The following SLC22A4 variants were observed in gnomAD, a reference collection of about 807,000 sequenced individuals.
SLC22A4 encodes the protein ET transporter.
Under a neutral mutation model 56.6 loss-of-function variants are expected in SLC22A4, and 39 were observed. The observed-to-expected ratio is 0.69, with a 90% CI of 0.53 to 0.90. The LOEUF is 0.90. Among genes scored for constraint, SLC22A4 ranks in the 40% least tolerant of loss-of-function variants. The pLI is 0.00. For synonymous variants in SLC22A4, 241 were observed against 281.4 expected (o/e 0.86, Z 1.44); for missense variants, 594 against 696.5 (o/e 0.85, Z 1.66).
intron 3 of SLC22A4, among the ~76,000 whole-genome samples, chr5:132,315,442 C>T (rs1399709000): frequency 6.6e-6 from 1 of 152,150 alleles, no homozygotes; most frequent in East Asian, 1.9e-4. Flanking sequence ...CTGAGATCTG[C>T]CTTTTTAGTG....
At chr5:132,341,762 A>G (rs538927032) in intron 9 of SLC22A4, among the ~76,000 whole-genome samples, 4 of 152,208 alleles carry the variant, frequency 2.6e-5, no homozygotes, top group African/African-American at 9.6e-5. Flanking sequence ...AGTCTGTCCA[A>G]CATGGTGAAA....
chr5:132,319,158 C>T (rs1750452102), intron 3 of SLC22A4, among the ~76,000 whole-genome samples: 2 of 151,926 alleles, frequency 1.3e-5, no homozygotes, highest in Admixed American at 6.6e-5. Context: ...AAAAATTAGC[C>T]GGGCATGGTG....
chr5:132,341,862 G>A (rs922560415), intron 9 of SLC22A4, among the ~76,000 whole-genome samples: 3 of 152,090 alleles, frequency 2.0e-5, no homozygotes, highest in Admixed American at 6.5e-5. Context: ...CAGGAGAATC[G>A]CTTGAACCAG....
At chr5:132,342,860 C>T (rs1473309715) in intron 9 of SLC22A4, among the ~76,000 whole-genome samples, 2 of 152,220 alleles carry the variant, frequency 1.3e-5, no homozygotes, top group Non-Finnish European at 1.5e-5. Context: ...GTCACCAACT[C>T]GGAAGTTCTC....
Position 132,331,936 on chromosome 5 carries a change from C to T in SLC22A4, c.1046+86C>T, listed in dbSNP as rs536528052. 160 of 889,060 alleles carry T rather than the reference C, an allele frequency of 1.8e-4. 1 individual carries two copies. Among genetic ancestry groups the T allele is most frequent in the South Asian group, 1.4e-3 (109 of 76,056 alleles). 55.1% of individuals were successfully genotyped at this position (889,060 alleles called of 1,614,324 possible). ...TTAACTCAGAGGAACATTATGACAA[C>T]GACTGGGTTTTCCTGAGGAAAAATT... On this transcript the variant is annotated intron_variant, in intron 6 of 9. Coordinates refer to ENST00000200652, the MANE Select transcript of SLC22A4 (RefSeq NM_003059.3).
At chr5:132,315,570 C>T (rs868855341) in intron 3 of SLC22A4, among the ~76,000 whole-genome samples, 62 of 152,326 alleles carry the variant, frequency 4.1e-4, no homozygotes, top group African/African-American at 1.2e-3. Context: ...CTGACACTAT[C>T]ATCTACTCTC....
intron 6 of SLC22A4, chr5:132,332,429 A>G (rs979514842): frequency 1.9e-5 from 3 of 155,662 alleles, no homozygotes; most frequent in African/African-American, 7.2e-5. Context: ...GTCCCTGGGT[A>G]ATGGTTCCCT....
chr5:132,340,378 G>A (rs1580850992), intron 8 of SLC22A4, among the ~76,000 whole-genome samples, 187 bp from the exon 9 acceptor site: 1 of 152,098 alleles, frequency 6.6e-6, no homozygotes, highest in Non-Finnish European at 1.5e-5. Context: ...TAATGCAAAA[G>A]GATTATAGAC....
Position 132,336,008 on chromosome 5 carries a change from G to C in SLC22A4, c.1444+8G>C. 6.2e-7 allele frequency: 1 copy of C among 1,612,120 alleles called. No individual in the cohort carries two copies. The highest frequency in any genetic ancestry group is 8.5e-7 in the Non-Finnish European group (1 of 1,178,172). The stretch of plus-strand genomic sequence containing the variant: ...CCTACTTTGTTTACCTCGGTGAGCT[G>C]CATCTTGTGCATTTGTTCTTCCTTT... On this transcript the variant is annotated splice_region_variant and intron_variant, in intron 8 of 9. Coordinates refer to ENST00000200652, the MANE Select transcript of SLC22A4 (RefSeq NM_003059.3).
intron 6 of SLC22A4, chr5:132,332,083 G>C (rs1750874066): frequency 2.1e-6 from 1 of 472,470 alleles, no homozygotes; most frequent in Non-Finnish European, 3.9e-6. Context: ...GGAGGCCAAG[G>C]TGGGCAGATC....
rs544265124 is a variant in SLC22A4, at chr5:132,309,771, TTAAG to T, written c.394-2387_394-2384del. Among the ~76,000 whole-genome samples the T allele has an allele frequency of 7.8e-4, 119 of 152,376 alleles. 1 individual carries two copies. Among genetic ancestry groups the T allele is most frequent in the Middle Eastern group, 3.4e-3 (1 of 294 alleles). Reference sequence around the variant, plus strand: ...TTCAGTTTGCCCTGGACCTTGCAAATTAAGTAGCCAGTTCCCAGTCCTACCCTTT... The same window carrying T: ...TTCAGTTTGCCCTGGACCTTGCAAATTAGCCAGTTCCCAGTCCTACCCTTT... On this transcript the variant is annotated intron_variant, in intron 1 of 9. Coordinates refer to ENST00000200652, the MANE Select transcript of SLC22A4 (RefSeq NM_003059.3).
chr5:132,320,659 T>C (rs949554937), intron 3 of SLC22A4, among the ~76,000 whole-genome samples: 2 of 152,154 alleles, frequency 1.3e-5, no homozygotes, highest in African/African-American at 4.8e-5. Context: ...CTCTCAGTTA[T>C]GAACAGTGAA....
chr5:132,323,489 G>A (rs767230873), intron 4 of SLC22A4, among the ~76,000 whole-genome samples: 4 of 152,176 alleles, frequency 2.6e-5, no homozygotes, highest in Non-Finnish European at 4.4e-5. Flanking sequence ...GTAAATTATT[G>A]GCATGAAGTG....
At position 132,344,119 on chromosome 5, in the gene SLC22A4, T is replaced by C. The variant is rs1343251896; in HGVS notation, c.*284T>C. 1 of 372,996 alleles carries C rather than the reference T, an allele frequency of 2.7e-6. No individual in the cohort carries two copies. The highest frequency in any genetic ancestry group is 4.3e-5 in the Admixed American group (1 of 23,286). 23.1% of individuals were successfully genotyped at this position (372,996 alleles called of 1,614,324 possible). The stretch of plus-strand genomic sequence containing the variant: ...TAGTCAAGGACTGGTAAAATACATA[T>C]AAAGATTAACACTCATTTCCAATCA... On this transcript the variant is annotated 3_prime_UTR_variant, in exon 10 of 10. Transcript: ENST00000200652.
chr5:132,332,006 T>A (rs1750871625), intron 6 of SLC22A4, among the ~76,000 whole-genome samples, 156 bp downstream of exon 6: 1 of 152,190 alleles, frequency 6.6e-6, no homozygotes, highest in Non-Finnish European at 1.5e-5. Context: ...TCTATTCAGT[T>A]CATGGGACTA....
intron 7 of SLC22A4, 107 bp from the exon 8 acceptor site, chr5:132,335,711 T>C (rs1467701237): frequency 4.3e-5 from 39 of 917,056 alleles, no homozygotes; most frequent in Non-Finnish European, 7.0e-5. Context: ...AATATATTTA[T>C]GTTAATAAAA....
chr5:132,336,100 GAAA>G, intron 8 of SLC22A4, 100 bp downstream of exon 8: 1 of 1,260,780 alleles, frequency 7.9e-7, no homozygotes, highest in Non-Finnish European at 1.1e-6. Flanking sequence ...GAATGTACTG[GAAA>G]AAAGTACAAG....
intron 6 of SLC22A4, among the ~76,000 whole-genome samples, chr5:132,334,222 A>T (rs1216357143): frequency 6.6e-6 from 1 of 152,202 alleles, no homozygotes; most frequent in African/African-American, 2.4e-5. Flanking sequence ...GAGAATCAGA[A>T]TTTATTCTAA....
chr5:132,301,392 G>A lies in SLC22A4; in HGVS notation c.393+6383G>A, dbSNP rs557163771. On this transcript the variant is annotated intron_variant, in intron 1 of 9. Transcript: ENST00000200652. ...TCTAAGACAGGGCTGCTGCCACACC[G>A]TAGATCCTCCTGTCCTCTTCTGCAG... Among the ~76,000 whole-genome samples, 9 of 152,330 alleles carry A rather than the reference G, an allele frequency of 5.9e-5. No individual in the cohort carries two copies. The East Asian group carries it at 9.6e-4, about 16-fold the overall frequency.
Sources: allele counts gnomAD v4.1 joint callset (sites outside exome capture counted in the v4.1 genomes callset), GRCh38; gene constraint gnomAD v4.1.1; transcripts MANE v1.5; gene names NCBI Gene and HGNC (gene_info 2026-07-23, HGNC 2026-07-21).